The following HIP1 variants were observed in gnomAD, a reference collection of about 807,000 sequenced individuals.
The protein encoded by HIP1 is huntingtin-interacting protein 1.
In HIP1, 65 loss-of-function variants were observed where a neutral mutation model predicts 147.6. The observed-to-expected ratio is 0.44, with a 90% CI of 0.36 to 0.54. The LOEUF (loss-of-function observed/expected upper bound fraction) is 0.54. Among genes scored for constraint, HIP1 ranks in the 20% least tolerant of loss-of-function variants. The probability of loss-of-function intolerance (pLI) is 0.00; values close to 1 mark genes in which losing one functional copy is unlikely to be tolerated. For synonymous variants in HIP1, 479 were observed against 504.0 expected (o/e 0.95, Z 0.67); for missense variants, 1,061 against 1,299.6 (o/e 0.82, Z 2.82).
At chr7:75,714,162 CCCAAGTA>C (rs1410630416) in intron 1 of HIP1, among the ~76,000 whole-genome samples, 3 of 151,604 alleles carry the variant, frequency 2.0e-5, no homozygotes, top group Admixed American at 2.0e-4. Flanking sequence ...GCCTCAGCCT[CCCAAGTA>C]GGTGGGACTA....
At chr7:75,538,306 G>T (rs587744291) in intron 30 of HIP1, 82 bp from the exon 31 acceptor site, 4 of 1,028,652 alleles carry the variant, frequency 3.9e-6, no homozygotes, top group Non-Finnish European at 6.2e-6. Flanking sequence ...CCACCATGGG[G>T]GCTCAAAAAT....
intron 1 of HIP1, among the ~76,000 whole-genome samples, chr7:75,735,287 G>A (rs1265288962): frequency 6.6e-6 from 1 of 152,166 alleles, no homozygotes; most frequent in African/African-American, 2.4e-5. Flanking sequence ...TGAGGCAGTG[G>A]GTAAAGGTTG....
At chr7:75,736,527 G>C (rs1390833890) in intron 1 of HIP1, among the ~76,000 whole-genome samples, 6 of 151,880 alleles carry the variant, frequency 4.0e-5, no homozygotes, top group Non-Finnish European at 8.8e-5. Context: ...GACCAGTCCG[G>C]GCAACACAGT....
At chr7:75,713,328 C>A (rs1801213736) in intron 1 of HIP1, among the ~76,000 whole-genome samples, 1 of 152,182 alleles carries the variant, frequency 6.6e-6, no homozygotes, top group South Asian at 2.1e-4. Flanking sequence ...TTCCCAGGGT[C>A]TCCACAAAGT....
At chr7:75,660,124 C>A (rs1285510296) in intron 1 of HIP1, among the ~76,000 whole-genome samples, 3 of 149,270 alleles carry the variant, frequency 2.0e-5, no homozygotes, top group Admixed American at 6.7e-5. Context: ...GACTCCGTCT[C>A]AAAAAACAAA....
intron 1 of HIP1, among the ~76,000 whole-genome samples, chr7:75,678,504 C>T (rs1396639999): frequency 6.6e-6 from 1 of 152,030 alleles, no homozygotes; most frequent in Admixed American, 6.6e-5. Context: ...CCACCACACC[C>T]GGCTAATTTT....
intron 1 of HIP1, among the ~76,000 whole-genome samples, chr7:75,630,783 T>A (rs1798186262): frequency 6.6e-6 from 1 of 152,158 alleles, no homozygotes; most frequent in Non-Finnish European, 1.5e-5. Context: ...CAGGTCTGAT[T>A]GCCCCGGCAG....
intron 4 of HIP1, among the ~76,000 whole-genome samples, chr7:75,589,166 A>G (rs797029779): frequency 3.3e-5 from 5 of 151,136 alleles, no homozygotes; most frequent in African/African-American, 1.2e-4. Context: ...AAAAAAAAAG[A>G]AGAAGAAGAA....
At chr7:75,610,480 G>C (rs1283233513) in intron 1 of HIP1, among the ~76,000 whole-genome samples, 2 of 151,924 alleles carry the variant, frequency 1.3e-5, no homozygotes, top group African/African-American at 4.8e-5. Flanking sequence ...AAAGTACTGA[G>C]ATAACAGTTG....
intron 27 of HIP1, among the ~76,000 whole-genome samples, chr7:75,543,908 C>A (rs372304094): frequency 2.5e-4 from 38 of 152,290 alleles, no homozygotes; most frequent in Admixed American, 2.3e-3. Context: ...TGTGGTGGCT[C>A]ACGCCTGTAA....
chr7:75,625,872 GC>G (rs1327986606), intron 1 of HIP1: 1 of 152,010 alleles, frequency 6.6e-6, no homozygotes, highest in African/African-American at 2.4e-5. Context: ...GGAGTTTGAG[GC>G]CAGCCTGGGT....
intron 1 of HIP1, among the ~76,000 whole-genome samples, chr7:75,647,995 A>G (rs1404101125): frequency 1.3e-5 from 2 of 152,148 alleles, no homozygotes; most frequent in African/African-American, 4.8e-5. Context: ...TTCCAGCTAG[A>G]CCCCTTAGGC....
At chr7:75,587,534 T>C (rs373471780) in intron 4 of HIP1, among the ~76,000 whole-genome samples, 1 of 152,388 alleles carries the variant, frequency 6.6e-6, no homozygotes, top group East Asian at 1.9e-4. Context: ...TAAATTCAAA[T>C]GAGCTGAAGC....
Position 75,678,360 on chromosome 7 carries a change from T to C in HIP1, c.120+60441A>G, listed in dbSNP as rs55804711. On this transcript the variant is annotated intron_variant, in intron 1 of 30. Transcript: ENST00000336926. ...TTATTCTTTTTTTTTTTTTTTTTTT[T>C]TGAGACAGCATCTCACTCTGTCACC... Among the ~76,000 whole-genome samples the C allele has an allele frequency of 3.6e-3, 456 of 127,386 alleles. 1 individual carries two copies. Among genetic ancestry groups the C allele is most frequent in the South Asian group, 4.5e-3 (18 of 3,988 alleles). 83.6% of individuals were successfully genotyped at this position (127,386 alleles called of 152,430 possible).
intron 7 of HIP1, among the ~76,000 whole-genome samples, chr7:75,576,207 T>C (rs1406423117): frequency 6.6e-6 from 1 of 152,188 alleles, no homozygotes; most frequent in Non-Finnish European, 1.5e-5. Context: ...GCTATAACAG[T>C]GCATACCTCG....
chr7:75,609,976 C>A (rs1797371413), intron 1 of HIP1, among the ~76,000 whole-genome samples: 1 of 141,462 alleles, frequency 7.1e-6, no homozygotes, highest in African/African-American at 2.6e-5. Flanking sequence ...AATTTTGATT[C>A]ATTGCAACCT....
Position 75,534,341 on chromosome 7 carries a change from GCAGA to G in HIP1, c.*3827_*3830del, listed in dbSNP as rs1304095679. 4 of 217,126 alleles carry G rather than the reference GCAGA, an allele frequency of 1.8e-5. No individual in the cohort carries two copies. Among genetic ancestry groups the G allele is most frequent in the African/African-American group, 9.0e-5 (4 of 44,392 alleles). The allele number at this position is 217,126 out of a possible 1,614,324, so 13.4% of individuals were successfully genotyped here. A position where few individuals can be genotyped will look rare whatever the true frequency, so the allele number is the denominator to read the frequency against. ...GGTACTGCTATGGACGGCTGCATCA[GCAGA>G]CAATCTAAACTAGTCTCATTTAAAC... is the stretch of plus-strand genomic sequence containing the variant. On this transcript the variant is annotated 3_prime_UTR_variant, in exon 31 of 31. Coordinates refer to ENST00000336926, the MANE Select transcript of HIP1 (RefSeq NM_005338.7).
At position 75,664,073 on chromosome 7, in the gene HIP1, T is replaced by C. The variant is rs113986905; in HGVS notation, c.121-64826A>G. On this transcript the variant is annotated intron_variant, in intron 1 of 30. Transcript: ENST00000336926. Reference sequence around the variant, plus strand: ...GTGTATATACACATATATGTGTATATACACACACATATACACACATATGTG... The same window carrying C: ...GTGTATATACACATATATGTGTATACACACACACATATACACACATATGTG... 4.8e-3 allele frequency among the ~76,000 whole-genome samples: 196 copies of C among 40,708 alleles called. 31 individuals carry two copies. Among genetic ancestry groups the C allele is most frequent in the Non-Finnish European group, 7.0e-3 (140 of 19,862 alleles). The allele number at this position is 40,708 out of a possible 152,430, so 26.7% of individuals were successfully genotyped here. A position where few individuals can be genotyped will look rare whatever the true frequency, so the allele number is the denominator to read the frequency against.
chr7:75,538,299 C>T lies in HIP1; in HGVS notation c.3062-75G>A, dbSNP rs998431369. 2.8e-6 allele frequency: 3 copies of T among 1,079,824 alleles called. No homozygotes were observed. In the African/African-American group the frequency reaches 4.7e-5, roughly 17 times the overall value. The allele number at this position is 1,079,824 out of a possible 1,614,324, so 66.9% of individuals were successfully genotyped here. On this transcript the variant is annotated intron_variant, in intron 30 of 30. Transcript: ENST00000336926. ...TTCACTTAACCAACAAAACCTGCCA[C>T]CATGGGGGCTCAAAAATACATTATA...
Sources: gnomAD v4.1 joint callset for allele counts (sites outside exome capture counted in the v4.1 genomes callset) on GRCh38, gnomAD v4.1.1 for gene constraint, MANE v1.5 for transcripts, NCBI Gene and HGNC (gene_info 2026-07-23, HGNC 2026-07-21) for gene names.